BLK: variants seen among roughly 807,000 people sequenced by gnomAD.
BLK encodes BLK proto-oncogene, Src family tyrosine kinase, also known as tyrosine-protein kinase Blk.
A neutral mutation model predicts 61.8 loss-of-function variants in BLK; 64 were observed. That is an observed-to-expected ratio of 1.03 (90% confidence interval 0.85 to 1.27). The LOEUF (loss-of-function observed/expected upper bound fraction) is 1.27, where lower values mean the gene tolerates loss of function less well. Among genes scored for constraint, BLK ranks in the 50% most tolerant of loss-of-function variants. The probability of loss-of-function intolerance (pLI) is 0.00; values close to 1 mark genes in which losing one functional copy is unlikely to be tolerated. For missense variants in BLK, 853 were observed against 660.5 expected, an observed-to-expected ratio of 1.29 and a Z score of -3.19; for synonymous variants, 351 against 272.0, an observed-to-expected ratio of 1.29 and a Z score of -2.86.
intron 6 of BLK, among the ~76,000 whole-genome samples, chr8:11,550,529 G>C (rs1408926454): frequency 6.6e-6 from 1 of 152,272 alleles, no homozygotes; most frequent in African/African-American, 2.4e-5. Flanking sequence ...CTGCTGCCCA[G>C]TCAGCAGGAA....
In BLK at chr8:11,552,357, A is replaced by G. The variant is rs949793684; in HGVS notation, c.472+2095A>G. 3.3e-5 allele frequency: 5 copies of G among 152,240 alleles called. No individual in the cohort carries two copies. The South Asian group carries it at 1.0e-3, about 31-fold the overall frequency. 9.4% of individuals were successfully genotyped at this position (152,240 alleles called of 1,614,324 possible). ...GTGCAGGATTTCTTGGAATATGCCA[A>G]TGAATGCATATACATACATATACAT... On this transcript the variant is annotated intron_variant, in intron 6 of 12. Transcript: ENST00000259089.
At chr8:11,514,191 C>T (rs1425785931) in intron 1 of BLK, among the ~76,000 whole-genome samples, 3 of 152,290 alleles carry the variant, frequency 2.0e-5, no homozygotes, top group Non-Finnish European at 4.4e-5. Context: ...GTCACCTTGA[C>T]CATGTGCTAC....
chr8:11,555,486 T>C lies in BLK; in HGVS notation c.772+2T>C. The C allele has an allele frequency of 2.5e-6, 4 of 1,614,086 alleles. No individual in the cohort carries two copies. Among genetic ancestry groups the C allele is most frequent in the Non-Finnish European group, 3.4e-6 (4 of 1,180,010 alleles). On this transcript the variant is annotated splice_donor_variant, in intron 8 of 12. Transcript: ENST00000259089. LOFTEE classifies it high-confidence loss of function. The stretch of plus-strand genomic sequence containing the variant: ...GACAATTCGGCGAAGTCTGGATGGG[T>C]GAGTGTGTGCACACGTGGGAGCATT...
At chr8:11,524,065 C>G (rs1799556275) in intron 1 of BLK, among the ~76,000 whole-genome samples, 2 of 152,098 alleles carry the variant, frequency 1.3e-5, no homozygotes. Flanking sequence ...ACAATGTTTA[C>G]TGTGGGTTTA....
At chr8:11,516,850 A>G (rs1309259797) in intron 1 of BLK, among the ~76,000 whole-genome samples, 2 of 152,220 alleles carry the variant, frequency 1.3e-5, no homozygotes, top group African/African-American at 4.8e-5. Context: ...GGCTGCTGCC[A>G]CATTTTAGCC....
rs935972760 is a variant in BLK, at chr8:11,556,566, G to C, written c.773-92G>C. On this transcript the variant is annotated intron_variant, in intron 8 of 12. Transcript: ENST00000259089. ...CAGCTCTGGCACCTGGAATGGGGTG[G>C]CACCTGGGCACTTACCCCGATTTTG... 3.4e-6 allele frequency: 5 copies of C among 1,475,594 alleles called. No homozygotes were observed. In the Admixed American group the frequency reaches 8.5e-5, roughly 25 times the overall value. The allele number at this position is 1,475,594 out of a possible 1,614,324, so 91.4% of individuals were successfully genotyped here. A position where few individuals can be genotyped will look rare whatever the true frequency, so the allele number is the denominator to read the frequency against.
Position 11,527,474 on chromosome 8 carries a change from CT to C in BLK, c.-1-15737del, listed in dbSNP as rs569354838. Among the ~76,000 whole-genome samples, 683 of 143,576 alleles carry C rather than the reference CT, an allele frequency of 4.8e-3. 1 individual carries two copies. The highest frequency in any genetic ancestry group is 6.2e-3 in the Non-Finnish European group (401 of 65,122). The allele number at this position is 143,576 out of a possible 152,430, so 94.2% of individuals were successfully genotyped here. A position where few individuals can be genotyped will look rare whatever the true frequency, so the allele number is the denominator to read the frequency against. ...TTTGCCTTATCTAGAATTTTTCTTT[CT>C]TTTTTTTTTTTTAGTGGGGAAGGAG... is the stretch of plus-strand genomic sequence containing the variant. On this transcript the variant is annotated intron_variant, in intron 1 of 12. Coordinates refer to ENST00000259089, the MANE Select transcript of BLK (RefSeq NM_001715.3).
At chr8:11,505,817 A>C (rs1008892839) in intron 1 of BLK, among the ~76,000 whole-genome samples, 1 of 152,116 alleles carries the variant, frequency 6.6e-6, no homozygotes, top group African/African-American at 2.4e-5. Flanking sequence ...CGCTGGGCCC[A>C]TCTGTCCTGT....
chr8:11,555,388 C>A lies in BLK; in HGVS notation c.676C>A (p.Gln226Lys), dbSNP rs966280631. The change falls in exon 8 of 13, where the codon CAG (glutamine) becomes AAG (lysine). Residue 226 changes from glutamine to lysine, a missense_variant. Coordinates refer to ENST00000259089, the MANE Select transcript of BLK (RefSeq NM_001715.3). ...LTLPCVRPAP[Q>K]NPWAQDEWEI... The stretch of plus-strand genomic sequence containing the variant: ...CCTGCCCTGTGTGCGCCCGGCCCCG[C>A]AGAATCCCTGGGCCCAGGATGAATG... 6.2e-7 allele frequency: 1 copy of A among 1,614,184 alleles called. No individual in the cohort carries two copies. The highest frequency in any genetic ancestry group is 1.1e-5 in the South Asian group (1 of 91,082).
At chr8:11,551,045 C>A (rs1179692132) in intron 6 of BLK, among the ~76,000 whole-genome samples, 1 of 152,146 alleles carries the variant, frequency 6.6e-6, no homozygotes, top group African/African-American at 2.4e-5. Context: ...ACCTGCTGTC[C>A]TGACTTGGAT....
chr8:11,528,549 A>T (rs545709244), intron 1 of BLK, among the ~76,000 whole-genome samples: 1 of 152,226 alleles, frequency 6.6e-6, no homozygotes, highest in East Asian at 1.9e-4. Flanking sequence ...GGTGTTAGCT[A>T]CGGAGATGAG....
At chr8:11,498,275 T>C (rs548034854) in intron 1 of BLK, among the ~76,000 whole-genome samples, 1 of 152,294 alleles carries the variant, frequency 6.6e-6, no homozygotes, top group East Asian at 1.9e-4. Context: ...CAATGCCATG[T>C]GGTGTCTATA....
intron 1 of BLK, 84 bp from the exon 2 acceptor site, chr8:11,543,140 C>G: frequency 1.2e-6 from 2 of 1,604,576 alleles, no homozygotes; most frequent in Non-Finnish European, 1.7e-6. Context: ...ACCAGCCTCC[C>G]GGAAGGGGCC....
At chr8:11,511,761 T>G (rs1248124520) in intron 1 of BLK, among the ~76,000 whole-genome samples, 2 of 152,228 alleles carry the variant, frequency 1.3e-5, no homozygotes, top group African/African-American at 4.8e-5. Flanking sequence ...GCGTCTTAGA[T>G]GTAGTGCAAC....
chr8:11,516,426 C>T (rs1313374964), intron 1 of BLK, among the ~76,000 whole-genome samples: 1 of 152,160 alleles, frequency 6.6e-6, no homozygotes, highest in Non-Finnish European at 1.5e-5. Context: ...AGTTCACCGC[C>T]CTATTGCTGT....
chr8:11,546,916 T>G (rs996778669), intron 3 of BLK, among the ~76,000 whole-genome samples: 3 of 152,230 alleles, frequency 2.0e-5, no homozygotes, highest in Admixed American at 6.5e-5. Context: ...GCCTGCTGGG[T>G]ACTGTAGGGA....
intron 1 of BLK, among the ~76,000 whole-genome samples, chr8:11,524,805 A>G (rs569580946): frequency 6.6e-6 from 1 of 152,258 alleles, no homozygotes; most frequent in Admixed American, 6.5e-5. Flanking sequence ...ACAGCCCCTC[A>G]CAGGTTGCTG....
chr8:11,537,541 G>T (rs567606207), intron 1 of BLK, among the ~76,000 whole-genome samples: 2 of 152,166 alleles, frequency 1.3e-5, no homozygotes, highest in Admixed American at 1.3e-4. Context: ...CCCTCCAAGG[G>T]ACACAGAGCC....
chr8:11,547,063 G>A (rs1038028142), intron 3 of BLK, among the ~76,000 whole-genome samples: 1 of 152,360 alleles, frequency 6.6e-6, no homozygotes, highest in African/African-American at 2.4e-5. Context: ...CGGCCAGCCG[G>A]GCCCCACCCA....
Sources: allele counts gnomAD v4.1 joint callset (sites outside exome capture counted in the v4.1 genomes callset), GRCh38; gene constraint gnomAD v4.1.1; transcripts MANE v1.5; gene names NCBI Gene and HGNC (gene_info 2026-07-23, HGNC 2026-07-21).